MMP21: variants seen among roughly 807,000 people sequenced by gnomAD.
MMP21 encodes matrix metallopeptidase 21.
A neutral mutation model predicts 47.8 loss-of-function variants in MMP21; 40 were observed. The observed-to-expected ratio is 0.84, with a 90% CI of 0.65 to 1.09. The LOEUF (loss-of-function observed/expected upper bound fraction) is 1.09. Among genes scored for constraint, MMP21 ranks in the 50% least tolerant of loss-of-function variants. MMP21 has a pLI of 0.00. For missense variants in MMP21, 747 were observed against 775.3 expected, an observed-to-expected ratio of 0.96 and a Z score of 0.43; for synonymous variants, 341 against 318.0, an observed-to-expected ratio of 1.07 and a Z score of -0.77.
chr10:125,770,598 A>C lies in MMP21; in HGVS notation c.980-7T>G, dbSNP rs1850435618. 1 of 1,611,118 alleles carries C rather than the reference A, an allele frequency of 6.2e-7. No individual in the cohort carries two copies. The highest frequency in any genetic ancestry group is 1.3e-5 in the African/African-American group (1 of 74,740). On this transcript the variant is annotated splice_region_variant and splice_polypyrimidine_tract_variant and intron_variant, in intron 4 of 6. Transcript: ENST00000368808. ...AATGATCCCTCACAGGAGCCTTAAA[A>C]AAACAAACAAAAAACAGCCACTTGT...
At position 125,770,371 on chromosome 10, in the gene MMP21, G is replaced by A. The variant is rs149458277; in HGVS notation, c.1200C>T (p.Ile400=). 5.1e-4 allele frequency: 829 copies of A among 1,614,150 alleles called. 4 individuals carry two copies. The Middle Eastern group carries it at 0.018, about 34-fold the overall frequency. The change falls in exon 5 of 7, where the codon ATC becomes ATT. Residue 400 remains isoleucine, a synonymous_variant. Coordinates refer to ENST00000368808, the MANE Select transcript of MMP21 (RefSeq NM_147191.1). ...AACGTTCATCTCTTTTCCATGTCCAGATGTGAACAAAGGCATCTATGTTGT... is the reference window on the plus strand; with the variant it reads ...AACGTTCATCTCTTTTCCATGTCCAAATGTGAACAAAGGCATCTATGTTGT... ...PTHNIDAFVH[I]WTWKRDERYF...
At chr10:125,770,866 A>T (rs974951322) in intron 4 of MMP21, among the ~76,000 whole-genome samples, 1 of 150,952 alleles carries the variant, frequency 6.6e-6, no homozygotes, top group South Asian at 2.1e-4. Context: ...AAAAAAAAAT[A>T]CAAAAAGTAG....
chr10:125,772,088 T>A lies in MMP21; in HGVS notation c.979+130A>T. ...CAGGGAGCTAGAGGGTGGCTACCCT[T>A]GGGTGACATGAGTTGTACAACGTTG... On this transcript the variant is annotated intron_variant, in intron 4 of 6. Coordinates refer to ENST00000368808, the MANE Select transcript of MMP21 (RefSeq NM_147191.1). The surrounding 1 kb of genome is among the most constrained non-coding windows in gnomAD (Gnocchi z 5.6). 2.6e-6 allele frequency: 3 copies of A among 1,147,256 alleles called. No homozygotes were observed. The South Asian group carries it at 4.5e-5, about 17-fold the overall frequency. 71.1% of individuals were successfully genotyped at this position (1,147,256 alleles called of 1,614,324 possible).
chr10:125,775,245 G>C (rs1850504359), intron 1 of MMP21, among the ~76,000 whole-genome samples: 1 of 152,206 alleles, frequency 6.6e-6, no homozygotes, highest in African/African-American at 2.4e-5. Context: ...CCAGACAGCT[G>C]TTAGGATCCT....
In MMP21 at chr10:125,770,351, T is replaced by C; in HGVS notation, c.1220A>G (p.Glu407Gly). ...ATCTGTACCTTGAAAAAAATAACGT[T>C]CATCTCTTTTCCATGTCCAGATGTG... ...FVHIWTWKRD[E>G]RYFFQGNQYW... The change falls in exon 5 of 7, where the codon GAA becomes GGA. Residue 407 changes from glutamate to glycine, a missense_variant. By Grantham distance (98) the Glu-to-Gly change is moderately conservative (BLOSUM62 -2). Transcript: ENST00000368808. 2 of 1,614,144 alleles carry C rather than the reference T, an allele frequency of 1.2e-6. No homozygotes were observed. Among genetic ancestry groups the C allele is most frequent in the Non-Finnish European group, 1.7e-6 (2 of 1,180,008 alleles).
At position 125,772,809 on chromosome 10, in the gene MMP21, C is replaced by T; in HGVS notation, c.698-59G>A. On this transcript the variant is annotated intron_variant, in intron 2 of 6. Coordinates refer to ENST00000368808, the MANE Select transcript of MMP21 (RefSeq NM_147191.1). The surrounding 1 kb of genome is among the most constrained non-coding windows in gnomAD (Gnocchi z 5.6). ...AGGATGAGTGCCCCCCATACAGACT[C>T]CTCACCTAGGGGGTCCCCAGCCTCC... 6.3e-7 allele frequency: 1 copy of T among 1,585,242 alleles called. No individual in the cohort carries two copies. The highest frequency in any genetic ancestry group is 8.6e-7 in the Non-Finnish European group (1 of 1,164,674).
intron 6 of MMP21, 131 bp downstream of exon 6, chr10:125,767,401 C>T (rs762832835): frequency 5.6e-6 from 5 of 894,118 alleles, no homozygotes; most frequent in Non-Finnish European, 8.3e-6. Context: ...CTTGGCCTCC[C>T]AAAGTGCGGG....
rs1002633825 is a variant in MMP21, at chr10:125,773,814, G to A, written c.697+17C>T. On this transcript the variant is annotated intron_variant, in intron 2 of 6. Coordinates refer to ENST00000368808, the MANE Select transcript of MMP21 (RefSeq NM_147191.1). The surrounding 1 kb of genome is among the most constrained non-coding windows in gnomAD (Gnocchi z 4.8). ...AGGGGCTGGGTCGGGCAGGCAGGGA[G>A]CCCGGGGTGCTCTTACCTCTCCCAA... The A allele has an allele frequency of 3.3e-6, 5 of 1,495,194 alleles. No individual in the cohort carries two copies. The highest frequency in any genetic ancestry group is 4.4e-6 in the Non-Finnish European group (5 of 1,127,984). 92.6% of individuals were successfully genotyped at this position (1,495,194 alleles called of 1,614,324 possible).
At chr10:125,767,294 C>G (rs1850396993) in intron 6 of MMP21, among the ~76,000 whole-genome samples, 1 of 152,186 alleles carries the variant, frequency 6.6e-6, no homozygotes, top group African/African-American at 2.4e-5. Flanking sequence ...GCCACCACAC[C>G]TGGATAATTT....
chr10:125,774,282 G>A lies in MMP21; in HGVS notation c.246C>T (p.Gly82=). The A allele has an allele frequency of 7.1e-7, 1 of 1,412,930 alleles. No homozygotes were observed. The highest frequency in any genetic ancestry group is 9.2e-7 in the Non-Finnish European group (1 of 1,091,640). The allele number at this position is 1,412,930 out of a possible 1,614,324, so 87.5% of individuals were successfully genotyped here. Reference sequence around the variant, plus strand: ...TGCGCACCGCCTCGGCCAGGGCGGCGCCCTTGGGGGTCTCCGGCGGCCCCT... The same window carrying A: ...TGCGCACCGCCTCGGCCAGGGCGGCACCCTTGGGGGTCTCCGGCGGCCCCT... The part of the protein sequence containing the change: ...SPEGPPETPK[G]AALAEAVRRF... Residue 82 remains glycine, a synonymous_variant, in exon 2 of 7, where the codon GGC becomes GGT. Transcript: ENST00000368808.
chr10:125,771,455 G>A (rs954973958), intron 4 of MMP21, among the ~76,000 whole-genome samples: 13 of 151,526 alleles, frequency 8.6e-5, no homozygotes, highest in Non-Finnish European at 1.5e-5. Context: ...CCAGGCTGGA[G>A]TGCAGTGGTG....
intron 4 of MMP21, among the ~76,000 whole-genome samples, chr10:125,771,709 C>A (rs995916663): frequency 2.0e-5 from 3 of 152,262 alleles, no homozygotes; most frequent in Non-Finnish European, 4.4e-5. Flanking sequence ...GGCCTAGGGA[C>A]CTTTGAATGG....
At chr10:125,769,713 C>G (rs1002415019) in intron 5 of MMP21, among the ~76,000 whole-genome samples, 1 of 152,220 alleles carries the variant, frequency 6.6e-6, no homozygotes, top group African/African-American at 2.4e-5. Context: ...ACTTCTGTTG[C>G]TAGATGTCCA....
At chr10:125,771,570 A>C (rs1030887044) in intron 4 of MMP21, among the ~76,000 whole-genome samples, 1 of 152,016 alleles carries the variant, frequency 6.6e-6, no homozygotes, top group Non-Finnish European at 1.5e-5. Context: ...TGTCCGGCTA[A>C]TTTTTGTATT....
Position 125,772,373 on chromosome 10 carries a change from C to T in MMP21, c.838-14G>A, listed in dbSNP as rs765152443. The T allele has an allele frequency of 8.7e-6, 14 of 1,613,650 alleles. No homozygotes were observed. In the Admixed American group the frequency reaches 2.3e-4, roughly 27 times the overall value. Reference sequence around the variant, plus strand: ...ATGGACGGCCACCTAGAAGGGGACACACACCATGGGTGCTGGGTGAAGCCT... The same window carrying T: ...ATGGACGGCCACCTAGAAGGGGACATACACCATGGGTGCTGGGTGAAGCCT... On this transcript the variant is annotated splice_polypyrimidine_tract_variant and intron_variant, in intron 3 of 6. Transcript: ENST00000368808. This position sits in a 1 kb window ranked among gnomAD's most constrained non-coding sequence, Gnocchi z 5.6.
Position 125,774,146 on chromosome 10 carries a change from A to G in MMP21, c.382T>C (p.Ser128Pro), listed in dbSNP as rs1327420071. The part of the protein sequence containing the change: ...GVPDMRPPPP[S>P]APPSPPGPPP... ...GGGCCCGGGGGCGAAGGCGGGGCGG[A>G]GGGGGGCGGTGGGCGCATGTCCGGG... The change falls in exon 2 of 7, where the codon TCC becomes CCC. Residue 128 changes from serine to proline, a missense_variant. Coordinates refer to ENST00000368808, the MANE Select transcript of MMP21 (RefSeq NM_147191.1). 7 of 1,278,290 alleles carry G rather than the reference A, an allele frequency of 5.5e-6. No individual in the cohort carries two copies. The African/African-American group carries it at 9.4e-5, about 17-fold the overall frequency. 79.2% of individuals were successfully genotyped at this position (1,278,290 alleles called of 1,614,324 possible).
chr10:125,769,771 AG>A (rs749615710), intron 5 of MMP21, among the ~76,000 whole-genome samples: 2 of 152,162 alleles, frequency 1.3e-5, no homozygotes, highest in Non-Finnish European at 2.9e-5. Flanking sequence ...CCTGCAGGGC[AG>A]GGCCCTTTCT....
At chr10:125,774,597 A>G (rs1431067467) in intron 1 of MMP21, among the ~76,000 whole-genome samples, 1 of 152,230 alleles carries the variant, frequency 6.6e-6, no homozygotes, top group East Asian at 1.9e-4. Flanking sequence ...AGAGGTAGAC[A>G]GGAGAGAAGG....
At position 125,774,063 on chromosome 10, in the gene MMP21, C is replaced by T; in HGVS notation, c.465G>A (p.Arg155=). Residue 155 remains arginine, a synonymous_variant, in exon 2 of 7, where the codon CGG becomes CGA. Coordinates refer to ENST00000368808, the MANE Select transcript of MMP21 (RefSeq NM_147191.1). ...SPRAPLSLSR[R]GWQPRGYPDG... is the part of the protein sequence containing the mutation. ...CGGGGTAGCCCCGGGGCTGCCAACC[C>T]CGCCGGGACAAGGACAGCGGCGCCC... 6.9e-7 allele frequency: 1 copy of T among 1,447,178 alleles called. No homozygotes were observed. Among genetic ancestry groups the T allele is most frequent in the Non-Finnish European group, 9.1e-7 (1 of 1,103,138 alleles). 89.6% of individuals were successfully genotyped at this position (1,447,178 alleles called of 1,614,324 possible).
Sources: gnomAD v4.1 joint callset for allele counts (sites outside exome capture counted in the v4.1 genomes callset) on GRCh38, gnomAD v4.1.1 for gene constraint, Gnocchi (gnomAD v3.1) non-coding constraint, MANE v1.5 for transcripts, NCBI Gene and HGNC (gene_info 2026-07-23, HGNC 2026-07-21) for gene names.